Variants in CSNK1G3 observed in about 807,000 individuals in gnomAD.
CSNK1G3 encodes casein kinase I isoform gamma-3.
In CSNK1G3, 23 loss-of-function variants were observed where a neutral mutation model predicts 64.3. The ratio of observed to expected loss-of-function variants is 0.36; its 90% CI spans 0.26 to 0.51. CSNK1G3 has a LOEUF of 0.51. Among genes scored for constraint, CSNK1G3 ranks in the 20% least tolerant of loss-of-function variants. The pLI, the probability that CSNK1G3 is intolerant of heterozygous loss-of-function variation, is 0.96. For synonymous variants in CSNK1G3, 158 were observed against 162.2 expected, an observed-to-expected ratio of 0.97 and a Z score of 0.20; for missense variants, 357 against 510.5, an observed-to-expected ratio of 0.70 and a Z score of 2.90.
At chr5:123,605,285 A>C in intron 11 of CSNK1G3, 54 bp from the exon 13 acceptor site, 24 of 1,325,440 alleles carry the variant, frequency 1.8e-5, no homozygotes, top group Non-Finnish European at 2.4e-5. Flanking sequence ...GCTGTTTCTG[A>C]TTCTCTCTCT....
At chr5:123,555,771 T>G (rs1784503932) in intron 3 of CSNK1G3, among the ~76,000 whole-genome samples, 1 of 152,078 alleles carries the variant, frequency 6.6e-6, no homozygotes, top group Non-Finnish European at 1.5e-5. Context: ...CTCAACTAAG[T>G]CAGATTTGGG....
rs1795094728 is a variant in CSNK1G3 at position 123,604,939 on chromosome 5, T to C, written c.1193+109T>C. On this transcript the variant is annotated intron_variant, in intron 11 of 12. Transcript: ENST00000345990. The stretch of plus-strand genomic sequence containing the variant: ...CAGGAAATTTTTTTCAGGGAATAGG[T>C]GCATGCAAAACAAGTGGTATGCTTA... 4 of 767,304 alleles carry C rather than the reference T, an allele frequency of 5.2e-6. No homozygotes were observed. In the Admixed American group the frequency reaches 1.0e-4, roughly 20 times the overall value. The allele number at this position is 767,304 out of a possible 1,614,324, so 47.5% of individuals were successfully genotyped here.
chr5:123,615,057 A>T (rs1163758659), exon 13 of CSNK1G3: 1 of 152,624 alleles, frequency 6.6e-6, no homozygotes, highest in Non-Finnish European at 1.5e-5. Flanking sequence ...TGTGGTAAAT[A>T]TGTGCTCCGC....
At chr5:123,573,029 C>T (rs1185136773) in intron 4 of CSNK1G3, among the ~76,000 whole-genome samples, 5 of 152,194 alleles carry the variant, frequency 3.3e-5, no homozygotes, top group Admixed American at 6.5e-5. Flanking sequence ...CCAGTAGTGA[C>T]TCTCTTTTCA....
In CSNK1G3 at chr5:123,532,876, A is replaced by C. The variant is rs542027824; in HGVS notation, c.-247-12541A>C. Among the ~76,000 whole-genome samples, 4 of 151,978 alleles carry C rather than the reference A, an allele frequency of 2.6e-5. No homozygotes were observed. In the East Asian group the frequency reaches 7.7e-4, roughly 29 times the overall value. On this transcript the variant is annotated intron_variant, in intron 1 of 12. Transcript: ENST00000345990. The stretch of plus-strand genomic sequence containing the variant: ...TCTTGCCCTTTATTTCTAGTCTTTG[A>C]ATTTTTCAGTAGATAGAACCAGTTT...
chr5:123,569,929 TAAATC>T (rs1431107558), intron 4 of CSNK1G3, among the ~76,000 whole-genome samples: 1 of 152,202 alleles, frequency 6.6e-6, no homozygotes, highest in African/African-American at 2.4e-5. Flanking sequence ...TTTTGAGTGT[TAAATC>T]AGATGCTTTC....
chr5:123,569,258 G>A (rs1229072343), intron 4 of CSNK1G3, among the ~76,000 whole-genome samples: 1 of 152,108 alleles, frequency 6.6e-6, no homozygotes, highest in Non-Finnish European at 1.5e-5. Context: ...AAAATGTGCT[G>A]CTTTCTATTC....
At chr5:123,582,227 T>A in intron 6 of CSNK1G3, among the ~76,000 whole-genome samples, 1 of 152,126 alleles carries the variant, frequency 6.6e-6, no homozygotes, top group East Asian at 1.9e-4. Context: ...GATATAAGAG[T>A]AGAATTTTTA....
rs114893465 is a variant in CSNK1G3 at position 123,585,906 on chromosome 5, A to G, written c.674-2162A>G. Among the ~76,000 whole-genome samples, 803 of 152,310 alleles carry G rather than the reference A, an allele frequency of 5.3e-3. 8 individuals carry two copies. The highest frequency in any genetic ancestry group is 0.019 in the African/African-American group (776 of 41,578). On this transcript the variant is annotated intron_variant, in intron 6 of 12. Coordinates refer to ENST00000345990, the Ensembl canonical transcript of CSNK1G3. ...AGAAGTTTTTTATAAAGTTAAACCT[A>G]TACTTACAACATCATGTAGCAATCC... is the stretch of plus-strand genomic sequence containing the variant.
intron 10 of CSNK1G3, among the ~76,000 whole-genome samples, chr5:123,602,084 A>G (rs760764651): frequency 6.6e-6 from 1 of 152,178 alleles, no homozygotes; most frequent in Non-Finnish European, 1.5e-5. Context: ...TTACAGTTCA[A>G]TAGAATGACA....
intron 10 of CSNK1G3, 51 bp downstream of exon 10, chr5:123,591,465 C>A: frequency 8.4e-7 from 1 of 1,196,460 alleles, no homozygotes; most frequent in Non-Finnish European, 1.2e-6. Context: ...TTGAAACATA[C>A]ACTTTTTTCT....
At position 123,593,177 on chromosome 5, in the gene CSNK1G3, T is replaced by C. The variant is rs182788454; in HGVS notation, c.1086+1763T>C. ...TCATTTGTCCAGTCCTTGCACTAAA[T>C]GTAGGGTGGGTGTGTGTGTATATAT... On this transcript the variant is annotated intron_variant, in intron 10 of 12. Transcript: ENST00000345990. Among the ~76,000 whole-genome samples, 866 of 146,896 alleles carry C rather than the reference T, an allele frequency of 5.9e-3. 11 individuals carry two copies. The highest frequency in any genetic ancestry group is 0.021 in the African/African-American group (833 of 39,332).
intron 6 of CSNK1G3, among the ~76,000 whole-genome samples, chr5:123,578,209 G>T (rs1318634399): frequency 2.0e-5 from 3 of 151,784 alleles, no homozygotes; most frequent in South Asian, 2.1e-4. Flanking sequence ...CCTATGGCAG[G>T]TATTATTTAA....
intron 1 of CSNK1G3, among the ~76,000 whole-genome samples, chr5:123,538,607 G>A (rs1561478281): frequency 6.6e-6 from 1 of 152,144 alleles, no homozygotes; most frequent in Non-Finnish European, 1.5e-5. Context: ...GAGAGGGATA[G>A]CATTAGGAGA....
At chr5:123,605,302 T>C in intron 11 of CSNK1G3, 37 bp from the exon 13 acceptor site, 1 of 1,574,034 alleles carries the variant, frequency 6.4e-7, no homozygotes, top group Non-Finnish European at 8.6e-7. Context: ...CTCTCTCTTT[T>C]TTTTCCTTGT....
chr5:123,614,279 TAC>T lies in CSNK1G3; in HGVS notation c.1218-61_1218-60del, dbSNP rs1329107865. On this transcript the variant is annotated intron_variant, in intron 12 of 12. Transcript: ENST00000345990. The stretch of plus-strand genomic sequence containing the variant: ...TTTATGATCATTTAAGTTAAAGTGA[TAC>T]AGTCAACTTTGTGATATTTTAGTGC... The T allele has an allele frequency of 4.0e-6, 6 of 1,502,412 alleles. No homozygotes were observed. The East Asian group carries it at 1.2e-4, about 29-fold the overall frequency. 93.1% of individuals were successfully genotyped at this position (1,502,412 alleles called of 1,614,324 possible). A position where few individuals can be genotyped will look rare whatever the true frequency, so the allele number is the denominator to read the frequency against.
At chr5:123,513,262 A>T (rs1357241287) in intron 1 of CSNK1G3, among the ~76,000 whole-genome samples, 1 of 152,148 alleles carries the variant, frequency 6.6e-6, no homozygotes, top group Non-Finnish European at 1.5e-5. Context: ...ACTGAGAAGC[A>T]TCGGGTCTCT....
At chr5:123,585,335 T>C (rs1791126353) in intron 6 of CSNK1G3, among the ~76,000 whole-genome samples, 1 of 151,648 alleles carries the variant, frequency 6.6e-6, no homozygotes, top group African/African-American at 2.4e-5. Context: ...GAGTAATAGG[T>C]TTAAATGTAG....
rs578209661 is a variant in CSNK1G3 at position 123,588,209 on chromosome 5, C to A, written c.759+56C>A. On this transcript the variant is annotated intron_variant, in intron 7 of 12. Transcript: ENST00000345990. ...TCATAAAATATTAAGATATTAAGGTCCTGTCTTCCAACTAAACAGTTTTCA... is the reference window on the plus strand; with the variant it reads ...TCATAAAATATTAAGATATTAAGGTACTGTCTTCCAACTAAACAGTTTTCA... 8.3e-5 allele frequency: 108 copies of A among 1,300,168 alleles called. 2 individuals carry two copies. In the South Asian group the frequency reaches 1.3e-3, roughly 15 times the overall value. The allele number at this position is 1,300,168 out of a possible 1,614,324, so 80.5% of individuals were successfully genotyped here.
Sources: gnomAD v4.1 joint callset for allele counts (sites outside exome capture counted in the v4.1 genomes callset) on GRCh38, gnomAD v4.1.1 for gene constraint, MANE v1.5 for transcripts, NCBI Gene and HGNC (gene_info 2026-07-23, HGNC 2026-07-21) for gene names.